The following ZNF510 variants were observed in gnomAD, a reference collection of about 807,000 sequenced individuals.
ZNF510 encodes zinc finger protein 510.
Under a neutral mutation model 18.1 loss-of-function variants are expected in ZNF510, and 15 were observed. That is an observed-to-expected ratio of 0.83 (90% CI 0.55 to 1.28). The LOEUF is 1.28. Among genes scored for constraint, ZNF510 ranks in the 50% most tolerant of loss-of-function variants. ZNF510 has a pLI of 0.00. For missense variants in ZNF510, 724 were observed against 791.8 expected, an observed-to-expected ratio of 0.91 and a Z score of 1.03; for synonymous variants, 261 against 266.4, an observed-to-expected ratio of 0.98 and a Z score of 0.20.
At position 96,758,773 on chromosome 9, in the gene ZNF510, T is replaced by C. The variant is rs1849254185; in HGVS notation, c.*5A>G. On this transcript the variant is annotated 3_prime_UTR_variant, in exon 6 of 6. Transcript: ENST00000223428. ...TTTTGTCAAAAGGATTTTCTAGTTATTACATCAATAGGGATTCCCCTCTCC... is the reference window on the plus strand; with the variant it reads ...TTTTGTCAAAAGGATTTTCTAGTTACTACATCAATAGGGATTCCCCTCTCC... 1 of 1,545,214 alleles carries C rather than the reference T, an allele frequency of 6.5e-7. No individual in the cohort carries two copies. The highest frequency in any genetic ancestry group is 1.3e-5 in the South Asian group (1 of 78,726).
intron 3 of ZNF510, among the ~76,000 whole-genome samples, chr9:96,764,103 A>G: frequency 6.6e-6 from 1 of 152,204 alleles, no homozygotes; most frequent in East Asian, 1.9e-4. Flanking sequence ...TCTCAAAGAA[A>G]ATGTTTATAA....
chr9:96,765,050 T>C lies in ZNF510; in HGVS notation c.130-1418A>G, dbSNP rs188165159. 5.9e-4 allele frequency among the ~76,000 whole-genome samples: 90 copies of C among 152,024 alleles called. 2 individuals carry two copies. The highest frequency in any genetic ancestry group is 4.9e-3 in the Admixed American group (75 of 15,266). On this transcript the variant is annotated intron_variant, in intron 3 of 5. Transcript: ENST00000223428. Reference sequence around the variant, plus strand: ...ATCGTTTGGACCTGGGAGGCGGAGGTTGCAGTGAGCTGAGATCGCGCCACT... The same window carrying C: ...ATCGTTTGGACCTGGGAGGCGGAGGCTGCAGTGAGCTGAGATCGCGCCACT...
intron 3 of ZNF510, 166 bp from the exon 4 acceptor site, chr9:96,763,798 G>C (rs920935276): frequency 7.4e-5 from 52 of 706,650 alleles, no homozygotes; most frequent in Middle Eastern, 2.8e-4. Context: ...GTATTAAATT[G>C]GTAAAAGTTT....
At position 96,757,693 on chromosome 9, in the gene ZNF510, ATT is replaced by A. The variant is rs966934716; in HGVS notation, c.*1083_*1084del. 6.6e-6 allele frequency: 1 copy of A among 152,080 alleles called. No individual in the cohort carries two copies. The highest frequency in any genetic ancestry group is 2.4e-5 in the African/African-American group (1 of 41,406). The allele number at this position is 152,080 out of a possible 1,614,324, so 9.4% of individuals were successfully genotyped here. A position where few individuals can be genotyped will look rare whatever the true frequency, so the allele number is the denominator to read the frequency against. On this transcript the variant is annotated 3_prime_UTR_variant, in exon 6 of 6. Transcript: ENST00000223428. ...GTATACTGAACCCTGTATATACTAT[ATT>A]TTTTTCCTACATATACACATGCCTA... is the stretch of plus-strand genomic sequence containing the variant.
chr9:96,759,912 C>T lies in ZNF510; in HGVS notation c.918G>A (p.Lys306=). Residue 306 remains lysine, a synonymous_variant, in exon 6 of 6, where the codon AAG becomes AAA. Coordinates refer to ENST00000223428, the MANE Select transcript of ZNF510 (RefSeq NM_014930.3). The part of the protein sequence containing the change: ...LFDHRRTGTG[K]KHLHLNQCGK... ...CACATTGATTAAGATGCAGGTGTTT[C>T]TTCCCTGTGCCAGTTCTCCTGTGGT... is the stretch of plus-strand genomic sequence containing the variant. 1 of 1,613,328 alleles carries T rather than the reference C, an allele frequency of 6.2e-7. No homozygotes were observed. Among genetic ancestry groups the T allele is most frequent in the East Asian group, 2.2e-5 (1 of 44,860 alleles).
At chr9:96,770,752 G>C (rs780294295) in intron 3 of ZNF510, among the ~76,000 whole-genome samples, 12 of 150,130 alleles carry the variant, frequency 8.0e-5, no homozygotes, top group Admixed American at 2.6e-4. Context: ...ATGTCAGGAT[G>C]GGGGATGATA....
At position 96,759,508 on chromosome 9, in the gene ZNF510, A is replaced by C. The variant is rs779945464; in HGVS notation, c.1322T>G (p.Phe441Cys). 7 of 1,613,796 alleles carry C rather than the reference A, an allele frequency of 4.3e-6. No individual in the cohort carries two copies. In the South Asian group the frequency reaches 7.7e-5, roughly 18 times the overall value. Reference protein sequence around the residue: ...PFECSECGKTFSQKSHLSTHQ... With the variant: ...PFECSECGKTCSQKSHLSTHQ... ...AGTACTGAGGTGTGACTTCTGGGAGAAAGTTTTTCCACATTCACTACATTC... is the reference window on the plus strand; with the variant it reads ...AGTACTGAGGTGTGACTTCTGGGAGCAAGTTTTTCCACATTCACTACATTC... Residue 441 changes from phenylalanine to cysteine, a missense_variant, in exon 6 of 6, where the codon TTC (phenylalanine) becomes TGC (cysteine). Phe to Cys is a radical substitution (Grantham distance 205, BLOSUM62 -2). Coordinates refer to ENST00000223428, the MANE Select transcript of ZNF510 (RefSeq NM_014930.3).
At position 96,758,951 on chromosome 9, in the gene ZNF510, G is replaced by C; in HGVS notation, c.1879C>G (p.Pro627Ala). 1 of 1,613,916 alleles carries C rather than the reference G, an allele frequency of 6.2e-7. No individual in the cohort carries two copies. The highest frequency in any genetic ancestry group is 8.5e-7 in the Non-Finnish European group (1 of 1,179,932). Reference protein sequence around the residue: ...DHQRIHTGEKPFQCNKCGKTF... With the variant: ...DHQRIHTGEKAFQCNKCGKTF... Reference sequence around the variant, plus strand: ...TTCCCACATTTATTACACTGAAAGGGTTTCTCCCCTGTGTGAATTCTCTGA... The same window carrying C: ...TTCCCACATTTATTACACTGAAAGGCTTTCTCCCCTGTGTGAATTCTCTGA... The change falls in exon 6 of 6, where the codon CCC (proline) becomes GCC (alanine). Residue 627 changes from proline to alanine, a missense_variant. Physicochemically the swap from Pro to Ala is conservative, Grantham distance 27. Coordinates refer to ENST00000223428, the MANE Select transcript of ZNF510 (RefSeq NM_014930.3).
At chr9:96,768,863 C>T (rs910651513) in intron 3 of ZNF510, among the ~76,000 whole-genome samples, 3 of 151,724 alleles carry the variant, frequency 2.0e-5, no homozygotes, top group African/African-American at 7.3e-5. Context: ...TGCAAGGGAC[C>T]CTGAATAGTC....
rs71485393 is a variant in ZNF510 at position 96,769,437 on chromosome 9, C to CAAAAAAAAAAA, written c.129+5340_129+5350dup. ...GGGCAACAGACAAAGATTCCGTCTCCAAAAAAAAAAAAAATTGGCCTTAAA... is the reference window on the plus strand; with the variant it reads ...GGGCAACAGACAAAGATTCCGTCTCCAAAAAAAAAAAAAAAAAAAAAAAAATTGGCCTTAAA... On this transcript the variant is annotated intron_variant, in intron 3 of 5. Coordinates refer to ENST00000223428, the MANE Select transcript of ZNF510 (RefSeq NM_014930.3). 1.8e-3 allele frequency among the ~76,000 whole-genome samples: 225 copies of CAAAAAAAAAAA among 126,232 alleles called. 2 individuals carry two copies. Among genetic ancestry groups the CAAAAAAAAAAA allele is most frequent in the African/African-American group, 6.5e-3 (203 of 31,410 alleles). 82.8% of individuals were successfully genotyped at this position (126,232 alleles called of 152,430 possible). A position where few individuals can be genotyped will look rare whatever the true frequency, so the allele number is the denominator to read the frequency against.
At chr9:96,767,905 TA>T (rs549259509) in intron 3 of ZNF510, among the ~76,000 whole-genome samples, 1 of 152,046 alleles carries the variant, frequency 6.6e-6, no homozygotes, top group African/African-American at 2.4e-5. Context: ...CAAAGCCAGA[TA>T]AAAAAATCAC....
rs143175558 is a variant in ZNF510 at position 96,758,230 on chromosome 9, A to G, written c.*548T>C. On this transcript the variant is annotated 3_prime_UTR_variant, in exon 6 of 6. Transcript: ENST00000223428. ...TATTCATTCAGGCACAGACTTCTTT[A>G]TCTTGTACCATGCCACATTAAAGCA... is the stretch of plus-strand genomic sequence containing the variant. 3.3e-5 allele frequency: 5 copies of G among 153,098 alleles called. 1 individual carries two copies. Among genetic ancestry groups the G allele is most frequent in the African/African-American group, 1.2e-4 (5 of 41,586 alleles). The allele number at this position is 153,098 out of a possible 1,614,324, so 9.5% of individuals were successfully genotyped here. A position where few individuals can be genotyped will look rare whatever the true frequency, so the allele number is the denominator to read the frequency against.
At chr9:96,773,700 C>T (rs920698500) in intron 3 of ZNF510, among the ~76,000 whole-genome samples, 2 of 151,970 alleles carry the variant, frequency 1.3e-5, no homozygotes, top group Non-Finnish European at 1.5e-5. Context: ...CTCAGCCTCC[C>T]GAGTAGCTGG....
rs768218531 is a variant in ZNF510 at position 96,760,200 on chromosome 9, T to C, written c.630A>G (p.Ser210=). ...TTTTCTCAAAGTTAATTTTGAAAGG[T>C]GAATTCTCACATACATTACCGCAAC... is the stretch of plus-strand genomic sequence containing the variant. The part of the protein sequence containing the change: ...KIGCGNVCEN[S]PFKINFEKTQ... The change falls in exon 6 of 6, where the codon TCA becomes TCG. Residue 210 remains serine (S), a synonymous_variant. Transcript: ENST00000223428. 1 of 1,613,244 alleles carries C rather than the reference T, an allele frequency of 6.2e-7. No homozygotes were observed. The highest frequency in any genetic ancestry group is 2.2e-5 in the East Asian group (1 of 44,854).
intron 4 of ZNF510, 119 bp from the exon 5 acceptor site, chr9:96,763,332 TG>T: frequency 7.7e-7 from 1 of 1,296,968 alleles, no homozygotes; most frequent in African/African-American, 1.5e-5. Context: ...CATTTATCAC[TG>T]GGAGTTGACA....
At position 96,774,785 on chromosome 9, in the gene ZNF510, CA is replaced by C. The variant is rs1849654135; in HGVS notation, c.129+2del. Reference sequence around the variant, plus strand: ...ATGAAAAAGGTATTAGTAATTAACTCACCTGAGATATGTTCATTTTCTGCTG... The same window carrying C: ...ATGAAAAAGGTATTAGTAATTAACTCCCTGAGATATGTTCATTTTCTGCTG... On this transcript the variant is annotated splice_donor_variant, in intron 3 of 5. Transcript: ENST00000223428. LOFTEE classifies it high-confidence loss of function. The C allele has an allele frequency of 1.9e-6, 3 of 1,612,584 alleles. No homozygotes were observed. The highest frequency in any genetic ancestry group is 2.5e-6 in the Non-Finnish European group (3 of 1,179,394).
chr9:96,774,838 A>C lies in ZNF510; in HGVS notation c.79T>G (p.Leu27Val), dbSNP rs1477443575. 9 of 1,612,886 alleles carry C rather than the reference A, an allele frequency of 5.6e-6. No individual in the cohort carries two copies. The highest frequency in any genetic ancestry group is 7.6e-6 in the Non-Finnish European group (9 of 1,179,524). ...VGQLAEGGYP[L>V]RFSTLFQEQQ... is the part of the protein sequence containing the mutation. ...TCCTGAAAGAGTGTGGAGAACCGTA[A>C]AGGATAACCTGGGGGTGAGGAAGGA... Residue 27 changes from leucine (L) to valine (V), a missense_variant, in exon 3 of 6, where the codon TTA (leucine) becomes GTA (valine). Leu to Val is a conservative substitution (Grantham distance 32). Transcript: ENST00000223428.
intron 1 of ZNF510, among the ~76,000 whole-genome samples, chr9:96,776,763 C>T (rs549954679): frequency 2.8e-4 from 43 of 152,244 alleles, no homozygotes; most frequent in Middle Eastern, 3.4e-3. Context: ...CCAGCCTGGG[C>T]GACAGAGAGA....
chr9:96,759,482 G>A lies in ZNF510; in HGVS notation c.1348C>T (p.His450Tyr). ...TFSQKSHLSTHQRIHTAEKPY... is the reference protein window; with the variant it reads ...TFSQKSHLSTYQRIHTAEKPY... ...TTTTCTGCTGTATGAATTCTCTGAT[G>A]AGTACTGAGGTGTGACTTCTGGGAG... Residue 450 changes from histidine (H) to tyrosine (Y), a missense_variant, in exon 6 of 6, where the codon CAT becomes TAT. Coordinates refer to ENST00000223428, the MANE Select transcript of ZNF510 (RefSeq NM_014930.3). 1 of 1,614,020 alleles carries A rather than the reference G, an allele frequency of 6.2e-7. No homozygotes were observed. The highest frequency in any genetic ancestry group is 8.5e-7 in the Non-Finnish European group (1 of 1,179,970).
Sources: allele counts gnomAD v4.1 joint callset (sites outside exome capture counted in the v4.1 genomes callset), GRCh38; gene constraint gnomAD v4.1.1; transcripts MANE v1.5; gene names NCBI Gene and HGNC (gene_info 2026-07-23, HGNC 2026-07-21).